The following CENPP variants were observed in gnomAD, a reference collection of about 807,000 sequenced individuals.
CENPP encodes centromere protein P.
A neutral mutation model predicts 35.6 loss-of-function variants in CENPP; 24 were observed. The ratio of observed to expected loss-of-function variants is 0.67; its 90% confidence interval spans 0.49 to 0.95. The LOEUF (loss-of-function observed/expected upper bound fraction) is 0.95, where lower values mean the gene tolerates loss of function less well. CENPP is among the 40% of genes least tolerant of loss of function. CENPP has a pLI of 0.00. For missense variants in CENPP, 332 were observed against 345.3 expected, an observed-to-expected ratio of 0.96 and a Z score of 0.31; for synonymous variants, 120 against 125.5, an observed-to-expected ratio of 0.96 and a Z score of 0.29.
chr9:92,526,795 A>C (rs1427838845), intron 5 of CENPP, among the ~76,000 whole-genome samples: 1 of 152,096 alleles, frequency 6.6e-6, no homozygotes, highest in African/African-American at 2.4e-5. Context: ...CTTTTTTATA[A>C]ATTTAGTAGA....
chr9:92,410,827 ATTTATC>A (rs1254625150), intron 5 of CENPP, among the ~76,000 whole-genome samples: 1 of 152,134 alleles, frequency 6.6e-6, no homozygotes, highest in Non-Finnish European at 1.5e-5. Context: ...TATACCAATT[ATTTATC>A]TTTATCCTTA....
rs1030074141 is a variant in CENPP, at chr9:92,618,844, G to A, written c.*5695G>A. Reference sequence around the variant, plus strand: ...AGGTCATCTTGACCCAGGAACACATGTTAGAAGAATGTGGAACATTCCGCA... The same window carrying A: ...AGGTCATCTTGACCCAGGAACACATATTAGAAGAATGTGGAACATTCCGCA... On this transcript the variant is annotated 3_prime_UTR_variant, in exon 8 of 8. Coordinates refer to ENST00000375587, the MANE Select transcript of CENPP (RefSeq NM_001012267.3). 2.8e-6 allele frequency: 1 copy of A among 351,440 alleles called. No individual in the cohort carries two copies. The highest frequency in any genetic ancestry group is 7.4e-5 in the East Asian group (1 of 13,450). The allele number at this position is 351,440 out of a possible 1,614,324, so 21.8% of individuals were successfully genotyped here.
intron 5 of CENPP, among the ~76,000 whole-genome samples, chr9:92,553,780 T>C (rs1259040498): frequency 6.6e-6 from 1 of 152,226 alleles, no homozygotes; most frequent in Non-Finnish European, 1.5e-5. Flanking sequence ...CTGGAAACTT[T>C]GCTAAATTCT....
At chr9:92,394,761 T>C (rs1444717706) in intron 5 of CENPP, among the ~76,000 whole-genome samples, 1 of 151,470 alleles carries the variant, frequency 6.6e-6, no homozygotes, top group Non-Finnish European at 1.5e-5. Context: ...TGTGCCACCA[T>C]GTCCGGCTAA....
intron 5 of CENPP, chr9:92,523,002 A>C (rs571694556): frequency 9.6e-7 from 1 of 1,041,988 alleles, no homozygotes; most frequent in East Asian, 2.6e-5. Context: ...GAGAAATTAC[A>C]CTTATGATAT....
At position 92,416,088 on chromosome 9, in the gene CENPP, T is replaced by A. The variant is rs1177668859; in HGVS notation, c.564+36229T>A. On this transcript the variant is annotated intron_variant, in intron 5 of 7. Transcript: ENST00000375587. Reference sequence around the variant, plus strand: ...TATATATATTTATTTATTTATTTATTTATTTATTTATTTTATTTTTTTTTT... The same window carrying A: ...TATATATATTTATTTATTTATTTATATATTTATTTATTTTATTTTTTTTTT... 2.1e-3 allele frequency among the ~76,000 whole-genome samples: 283 copies of A among 135,846 alleles called. 2 individuals are homozygous for A. The highest frequency in any genetic ancestry group is 0.012 in the East Asian group (59 of 4,956). The allele number at this position is 135,846 out of a possible 152,430, so 89.1% of individuals were successfully genotyped here.
chr9:92,537,169 C>T (rs1373795362), intron 5 of CENPP, among the ~76,000 whole-genome samples: 1 of 151,866 alleles, frequency 6.6e-6, no homozygotes, highest in African/African-American at 2.4e-5. Context: ...AGCCACCGCA[C>T]CTGGCCTGAA....
At chr9:92,568,747 C>T (rs375497364) in intron 5 of CENPP, among the ~76,000 whole-genome samples, 8 of 151,466 alleles carry the variant, frequency 5.3e-5, no homozygotes, top group African/African-American at 1.5e-4. Flanking sequence ...CCAGCACCTG[C>T]TGTTTCCTGA....
Position 92,449,054 on chromosome 9 carries a change from T to C in CENPP, c.564+69195T>C, listed in dbSNP as rs1245234669. Among the ~76,000 whole-genome samples, 7 of 152,264 alleles carry C rather than the reference T, an allele frequency of 4.6e-5. No homozygotes were observed. The East Asian group carries it at 1.4e-3, about 29-fold the overall frequency. On this transcript the variant is annotated intron_variant, in intron 5 of 7. Transcript: ENST00000375587. ...GAACAGAGATTTTCAAGAAAAATAG[T>C]GTATCATCATAGTTAAAAGCATGGA...
rs528797882 is a variant in CENPP, at chr9:92,570,768, T to G, written c.565-40546T>G. On this transcript the variant is annotated intron_variant, in intron 5 of 7. Coordinates refer to ENST00000375587, the MANE Select transcript of CENPP (RefSeq NM_001012267.3). Reference sequence around the variant, plus strand: ...CCTCAATTTCAGAGTCTGTTATTGGTCTATTAAGAGATTCAACTTCTTCCT... The same window carrying G: ...CCTCAATTTCAGAGTCTGTTATTGGGCTATTAAGAGATTCAACTTCTTCCT... Among the ~76,000 whole-genome samples, 7 of 152,298 alleles carry G rather than the reference T, an allele frequency of 4.6e-5. No individual in the cohort carries two copies. The East Asian group carries it at 1.2e-3, about 25-fold the overall frequency.
chr9:92,396,441 C>G (rs1418743300), intron 5 of CENPP, among the ~76,000 whole-genome samples: 1 of 151,846 alleles, frequency 6.6e-6, no homozygotes, highest in Non-Finnish European at 1.5e-5. Flanking sequence ...TTGGGGAAAA[C>G]TGACATCTTA....
intron 5 of CENPP, among the ~76,000 whole-genome samples, chr9:92,462,586 C>T (rs116476899): frequency 1.5e-3 from 224 of 152,156 alleles, no homozygotes; most frequent in African/African-American, 4.6e-3. Flanking sequence ...GCAATAAAGA[C>T]GGATGAAGAT....
At chr9:92,510,159 A>G in intron 5 of CENPP, 2 of 1,033,112 alleles carry the variant, frequency 1.9e-6, no homozygotes, top group Non-Finnish European at 2.7e-6. Flanking sequence ...AGTAATGTCC[A>G]GGCCACACAG....
chr9:92,533,063 C>T (rs946684347), intron 5 of CENPP, among the ~76,000 whole-genome samples: 30 of 151,484 alleles, frequency 2.0e-4, no homozygotes, highest in South Asian at 4.2e-4. Flanking sequence ...CTTTGGGAGG[C>T]CAAGGCTAGC....
At chr9:92,531,403 T>A (rs1157531733) in intron 5 of CENPP, among the ~76,000 whole-genome samples, 1 of 152,230 alleles carries the variant, frequency 6.6e-6, no homozygotes, top group Non-Finnish European at 1.5e-5. Context: ...TATCCCAGTA[T>A]ATATTCTGTT....
chr9:92,567,367 A>AATAT (rs1564005429), intron 5 of CENPP, among the ~76,000 whole-genome samples: 2 of 103,710 alleles, frequency 1.9e-5, no homozygotes, highest in Non-Finnish European at 4.3e-5. Context: ...ACAGTTACAT[A>AATAT]AGATAGATAT....
At chr9:92,327,104 T>C (rs1840563584) in intron 1 of CENPP, among the ~76,000 whole-genome samples, 1 of 152,242 alleles carries the variant, frequency 6.6e-6, no homozygotes, top group Admixed American at 6.5e-5. Context: ...TGGCGGTTTG[T>C]TAGAGCGACA....
chr9:92,364,129 C>T (rs1841829139), intron 4 of CENPP, among the ~76,000 whole-genome samples: 1 of 151,670 alleles, frequency 6.6e-6, no homozygotes. Context: ...GGATTATAGG[C>T]ATGAGCCACT....
chr9:92,448,437 T>C (rs1447572446), intron 5 of CENPP, among the ~76,000 whole-genome samples: 2 of 151,892 alleles, frequency 1.3e-5, no homozygotes, highest in Non-Finnish European at 1.5e-5. Context: ...GCCCAGCTAA[T>C]TTTTTTGTAT....
Sources: gnomAD v4.1 joint callset for allele counts (sites outside exome capture counted in the v4.1 genomes callset) on GRCh38, gnomAD v4.1.1 for gene constraint, MANE v1.5 for transcripts, NCBI Gene and HGNC (gene_info 2026-07-23, HGNC 2026-07-21) for gene names.